The following GSK3B variants were observed in gnomAD, a reference collection of about 807,000 sequenced individuals.
GSK3B encodes the protein glycogen synthase kinase 3 beta, also known as glycogen synthase kinase-3 beta.
In GSK3B, 15 loss-of-function variants were observed where a neutral mutation model predicts 56.4. That is an observed-to-expected ratio of 0.27 (90% CI 0.18 to 0.41). The LOEUF (loss-of-function observed/expected upper bound fraction) is 0.41, where lower values mean the gene tolerates loss of function less well. Ranked by LOEUF, GSK3B falls within the 10% of genes least tolerant of loss-of-function variation. The pLI is 1.00. For missense variants in GSK3B, 300 were observed against 513.4 expected (o/e 0.58, Z 4.02); for synonymous variants, 181 against 188.9 (o/e 0.96, Z 0.34).
intron 7 of GSK3B, among the ~76,000 whole-genome samples, chr3:119,895,394 T>C (rs1559826733): frequency 6.6e-6 from 1 of 151,610 alleles, no homozygotes; most frequent in Non-Finnish European, 1.5e-5. Flanking sequence ...AGAGTACAGA[T>C]ATCTCTTTGA....
chr3:120,093,215 A>C, intron 1 of GSK3B, 132 bp downstream of exon 1: 1 of 620,394 alleles, frequency 1.6e-6, no homozygotes, highest in Non-Finnish European at 2.9e-6. Flanking sequence ...TTCATCCTTG[A>C]CTGAAGATAG....
chr3:119,857,404 T>G (rs142004469), intron 9 of GSK3B, among the ~76,000 whole-genome samples: 4 of 152,332 alleles, frequency 2.6e-5, no homozygotes, highest in Non-Finnish European at 5.9e-5. Flanking sequence ...AAATCCTCTG[T>G]TGTCATCTCA....
At chr3:119,945,533 T>C (rs1405699470) in intron 3 of GSK3B, among the ~76,000 whole-genome samples, 1 of 152,146 alleles carries the variant, frequency 6.6e-6, no homozygotes, top group African/African-American at 2.4e-5. Flanking sequence ...CAATGCAGGA[T>C]TAAGTCAGGG....
chr3:120,069,449 T>C lies in GSK3B; in HGVS notation c.88+23898A>G, dbSNP rs541164232. ...GGTACTGAATGGTCCCAAATAGTTATTCAAATTTTTGAAGAGTATCTTGGA... is the reference window on the plus strand; with the variant it reads ...GGTACTGAATGGTCCCAAATAGTTACTCAAATTTTTGAAGAGTATCTTGGA... On this transcript the variant is annotated intron_variant, in intron 1 of 10. Coordinates refer to ENST00000264235, the MANE Select transcript of GSK3B (RefSeq NM_001146156.2). Among the ~76,000 whole-genome samples, 23 of 152,332 alleles carry C rather than the reference T, an allele frequency of 1.5e-4. 1 individual carries two copies. The highest frequency in any genetic ancestry group is 4.8e-4 in the African/African-American group (20 of 41,578).
intron 1 of GSK3B, among the ~76,000 whole-genome samples, chr3:120,080,488 A>C (rs1160154515): frequency 6.6e-6 from 1 of 152,138 alleles, no homozygotes; most frequent in Non-Finnish European, 1.5e-5. Context: ...ACATACTAAC[A>C]TATCAAACAA....
intron 2 of GSK3B, among the ~76,000 whole-genome samples, chr3:119,951,641 A>T (rs2057158370): frequency 6.6e-6 from 1 of 152,160 alleles, no homozygotes; most frequent in African/African-American, 2.4e-5. Flanking sequence ...ACATTGTGAG[A>T]CATGCAAACT....
At chr3:120,032,501 C>T (rs1168166331) in intron 1 of GSK3B, among the ~76,000 whole-genome samples, 1 of 151,818 alleles carries the variant, frequency 6.6e-6, no homozygotes, top group African/African-American at 2.4e-5. Context: ...TTAATTTCAT[C>T]CATTTAAGTT....
intron 7 of GSK3B, among the ~76,000 whole-genome samples, chr3:119,901,092 C>A (rs536126174): frequency 7.2e-5 from 11 of 152,182 alleles, no homozygotes; most frequent in Admixed American, 2.0e-4. Flanking sequence ...GCAGAGGTGC[C>A]AAAGGACAAT....
intron 1 of GSK3B, among the ~76,000 whole-genome samples, chr3:120,034,210 TTTTA>T (rs915968266): frequency 6.6e-6 from 1 of 152,182 alleles, no homozygotes; most frequent in African/African-American, 2.4e-5. Context: ...GCACAAATGG[TTTTA>T]TTTTTGATAA....
At chr3:119,880,105 T>C (rs1202592304) in intron 7 of GSK3B, among the ~76,000 whole-genome samples, 1 of 152,192 alleles carries the variant, frequency 6.6e-6, no homozygotes, top group Admixed American at 6.5e-5. Context: ...AAGGATTCTG[T>C]TTTCTCCACA....
chr3:119,947,996 C>A (rs2057117019), intron 2 of GSK3B, among the ~76,000 whole-genome samples: 1 of 152,034 alleles, frequency 6.6e-6, no homozygotes, highest in South Asian at 2.1e-4. Flanking sequence ...AAAAAGAAAT[C>A]ACTAAATAAT....
chr3:120,008,728 A>C (rs971593600), intron 1 of GSK3B, among the ~76,000 whole-genome samples: 5 of 152,208 alleles, frequency 3.3e-5, no homozygotes, highest in African/African-American at 1.2e-4. Flanking sequence ...CAAAGACTTA[A>C]ACGTTAAGAC....
rs748897374 is a variant in GSK3B, at chr3:119,838,603, A to T, written c.1195+4652T>A. On this transcript the variant is annotated intron_variant, in intron 10 of 10. Coordinates refer to ENST00000264235, the MANE Select transcript of GSK3B (RefSeq NM_001146156.2). ...ATAAATTAGGATGAGTATTTCCATG[A>T]ATGTCCACAAGCTTCATGAAAATTG... is the stretch of plus-strand genomic sequence containing the variant. Among the ~76,000 whole-genome samples, 33 of 152,180 alleles carry T rather than the reference A, an allele frequency of 2.2e-4. 1 individual carries two copies. The highest frequency in any genetic ancestry group is 4.4e-4 in the Non-Finnish European group (30 of 68,030).
chr3:120,036,792 C>CA (rs560163237), intron 1 of GSK3B, among the ~76,000 whole-genome samples: 32,105 of 64,044 alleles, frequency 0.5, 8,516 homozygotes, highest in African/African-American at 0.61. Flanking sequence ...GACTCCGACT[C>CA]AAAAAAAAAA....
Position 120,093,527 on chromosome 3 carries a change from A to AT in GSK3B, c.-94dup. ...GTGTTAGGTTAACGATAAATGCAGCATTAAGTTCTCCCACAGAAGAAAAAG... is the reference window on the plus strand; with the variant it reads ...GTGTTAGGTTAACGATAAATGCAGCATTTAAGTTCTCCCACAGAAGAAAAAG... On this transcript the variant is annotated 5_prime_UTR_variant, in exon 1 of 11. It adds an upstream start codon to the 5' untranslated region. Coordinates refer to ENST00000264235, the MANE Select transcript of GSK3B (RefSeq NM_001146156.2). The AT allele has an allele frequency of 1.3e-6, 1 of 791,780 alleles. No homozygotes were observed. 49.0% of individuals were successfully genotyped at this position (791,780 alleles called of 1,614,324 possible). A position where few individuals can be genotyped will look rare whatever the true frequency, so the allele number is the denominator to read the frequency against.
At chr3:120,024,125 G>A (rs2057903271) in intron 1 of GSK3B, among the ~76,000 whole-genome samples, 1 of 151,750 alleles carries the variant, frequency 6.6e-6, no homozygotes, top group Non-Finnish European at 1.5e-5. Flanking sequence ...GAGCCCAGGA[G>A]TTCAAGACCA....
chr3:119,965,029 TTA>T (rs1043467977), intron 2 of GSK3B, among the ~76,000 whole-genome samples: 6 of 148,214 alleles, frequency 4.0e-5, no homozygotes, highest in African/African-American at 1.5e-4. Flanking sequence ...TTTTGTAATA[TTA>T]TGTTTTCTTT....
At chr3:119,850,050 GATGTATGT>G (rs71933764) in intron 9 of GSK3B, among the ~76,000 whole-genome samples, 70,450 of 151,224 alleles carry the variant, frequency 0.47, 19,507 homozygotes, top group Non-Finnish European at 0.6. Flanking sequence ...TAAATCTATA[GATGTATGT>G]ATGTATGTAT....
rs189148392 is a variant in GSK3B at position 120,041,239 on chromosome 3, G to C, written c.89-39000C>G. The C allele has an allele frequency of 1.8e-3, 412 of 223,462 alleles. 3 individuals are homozygous for C. The highest frequency in any genetic ancestry group is 8.2e-3 in the African/African-American group (350 of 42,936). 13.8% of individuals were successfully genotyped at this position (223,462 alleles called of 1,614,324 possible). A position where few individuals can be genotyped will look rare whatever the true frequency, so the allele number is the denominator to read the frequency against. On this transcript the variant is annotated intron_variant, in intron 1 of 10. Coordinates refer to ENST00000264235, the MANE Select transcript of GSK3B (RefSeq NM_001146156.2). ...TGGGGCCAAGTGGTGCAGGGATTTGGCTGCGGCTCCAAGCAGCTGGGCATC... is the reference window on the plus strand; with the variant it reads ...TGGGGCCAAGTGGTGCAGGGATTTGCCTGCGGCTCCAAGCAGCTGGGCATC...
Sources: allele counts gnomAD v4.1 joint callset (sites outside exome capture counted in the v4.1 genomes callset), GRCh38; gene constraint gnomAD v4.1.1; transcripts MANE v1.5; gene names NCBI Gene and HGNC (gene_info 2026-07-23, HGNC 2026-07-21).